NUDCD1: variants seen among roughly 807,000 people sequenced by gnomAD.
NUDCD1 encodes NudC domain containing 1, also known as nudC domain-containing protein 1.
Under a neutral mutation model 67.8 loss-of-function variants are expected in NUDCD1, and 60 were observed. The observed-to-expected ratio is 0.88, with a 90% confidence interval of 0.72 to 1.10. The LOEUF is 1.10. Among genes scored for constraint, NUDCD1 ranks in the 50% least tolerant of loss-of-function variants. The pLI, the probability that NUDCD1 is intolerant of heterozygous loss-of-function variation, is 0.00. For missense variants in NUDCD1, 643 were observed against 695.0 expected, an observed-to-expected ratio of 0.93 and a Z score of 0.84; for synonymous variants, 244 against 230.8, an observed-to-expected ratio of 1.06 and a Z score of -0.52.
chr8:109,314,499 A>C (rs1815340725), intron 2 of NUDCD1, among the ~76,000 whole-genome samples: 1 of 152,148 alleles, frequency 6.6e-6, no homozygotes, highest in African/African-American at 2.4e-5. Context: ...CAAGACTCAA[A>C]TCCTGATAAA....
chr8:109,264,851 CTTT>C (rs79999848), intron 8 of NUDCD1, among the ~76,000 whole-genome samples: 1 of 143,538 alleles, frequency 7.0e-6, no homozygotes. Context: ...ATTCCTCCTA[CTTT>C]TTTTTTTTTT....
intron 2 of NUDCD1, among the ~76,000 whole-genome samples, chr8:109,322,023 C>T (rs1380099746): frequency 1.3e-5 from 2 of 152,048 alleles, no homozygotes; most frequent in African/African-American, 4.8e-5. Context: ...CAACACCTCA[C>T]ATAGGAAAAG....
At chr8:109,249,684 A>AT (rs1451943673) in intron 8 of NUDCD1, among the ~76,000 whole-genome samples, 2 of 152,226 alleles carry the variant, frequency 1.3e-5, no homozygotes, top group Non-Finnish European at 2.9e-5. Flanking sequence ...CATGTTTCAA[A>AT]TAAGATTTGG....
In NUDCD1 at chr8:109,283,364, C is replaced by G. The variant is rs140206051; in HGVS notation, c.824-2192G>C. 1.7e-3 allele frequency among the ~76,000 whole-genome samples: 260 copies of G among 152,262 alleles called. 1 individual carries two copies. The highest frequency in any genetic ancestry group is 6.0e-3 in the African/African-American group (249 of 41,556). On this transcript the variant is annotated intron_variant, in intron 5 of 9. Transcript: ENST00000239690. ...AAGAAACACTAAACAAACTGAAAAA[C>G]ATGTTTGAGGGAATAATTCAGAAAA...
intron 1 of NUDCD1, among the ~76,000 whole-genome samples, chr8:109,328,731 C>T: frequency 6.6e-6 from 1 of 152,060 alleles, no homozygotes; most frequent in South Asian, 2.1e-4. Context: ...AAAGCAAGAA[C>T]CAATGGAATT....
At chr8:109,272,665 T>A (rs1814184792) in intron 7 of NUDCD1, among the ~76,000 whole-genome samples, 1 of 152,198 alleles carries the variant, frequency 6.6e-6, no homozygotes, top group Admixed American at 6.5e-5. Flanking sequence ...AGAGATATGT[T>A]AATTCTCATG....
At position 109,271,048 on chromosome 8, in the gene NUDCD1, C is replaced by T; in HGVS notation, c.1256G>A (p.Ser419Asn). ...ECDIFFEESS[S>N]LCRFDGNTLK... ...TGTATTGCCATCAAATCTGCATAAACTGGAGCTCTCTTCAAAGAAAATATC... is the reference window on the plus strand; with the variant it reads ...TGTATTGCCATCAAATCTGCATAAATTGGAGCTCTCTTCAAAGAAAATATC... The change falls in exon 8 of 10, where the codon AGT (serine) becomes AAT (asparagine). Residue 419 changes from serine (S) to asparagine (N), a missense_variant. Physicochemically the swap from Ser to Asn is conservative, Grantham distance 46. Coordinates refer to ENST00000239690, the MANE Select transcript of NUDCD1 (RefSeq NM_032869.4). The T allele has an allele frequency of 2.5e-6, 4 of 1,596,470 alleles. No individual in the cohort carries two copies. The highest frequency in any genetic ancestry group is 3.4e-6 in the Non-Finnish European group (4 of 1,166,866).
intron 3 of NUDCD1, among the ~76,000 whole-genome samples, chr8:109,294,724 G>A (rs1246914034): frequency 6.6e-6 from 1 of 152,006 alleles, no homozygotes; most frequent in East Asian, 1.9e-4. Context: ...GTTGATACAT[G>A]GCACTTCCAT....
At chr8:109,289,257 G>C (rs866925104) in intron 5 of NUDCD1, among the ~76,000 whole-genome samples, 7 of 152,046 alleles carry the variant, frequency 4.6e-5, no homozygotes, top group Middle Eastern at 3.2e-3. Flanking sequence ...TTACAGGCGT[G>C]AGCTGCCGTG....
chr8:109,259,389 T>C (rs887622571), intron 8 of NUDCD1, among the ~76,000 whole-genome samples: 2 of 152,164 alleles, frequency 1.3e-5, no homozygotes, highest in African/African-American at 4.8e-5. Flanking sequence ...TTTACCAGCA[T>C]CTATGAAACT....
chr8:109,331,409 G>T (rs933989479), intron 1 of NUDCD1, among the ~76,000 whole-genome samples: 1 of 151,590 alleles, frequency 6.6e-6, no homozygotes, highest in Non-Finnish European at 1.5e-5. Context: ...CCAACTACTC[G>T]GGAGGCTGAG....
chr8:109,260,453 G>T (rs981160529), intron 8 of NUDCD1, among the ~76,000 whole-genome samples: 6 of 152,164 alleles, frequency 3.9e-5, no homozygotes, highest in Non-Finnish European at 8.8e-5. Flanking sequence ...CTCCAGCCTT[G>T]GCTCCCTAAA....
intron 2 of NUDCD1, among the ~76,000 whole-genome samples, chr8:109,307,180 C>G (rs952332208): frequency 8.5e-5 from 13 of 152,156 alleles, no homozygotes; most frequent in Non-Finnish European, 2.9e-5. Flanking sequence ...TTGTTCCTGC[C>G]CTACCCTAAC....
intron 8 of NUDCD1, among the ~76,000 whole-genome samples, chr8:109,258,847 G>C (rs1813800324): frequency 6.6e-6 from 1 of 151,912 alleles, no homozygotes; most frequent in Non-Finnish European, 1.5e-5. Flanking sequence ...GAGAATGAAA[G>C]GCAAAAAAGG....
chr8:109,296,422 T>A lies in NUDCD1; in HGVS notation c.421A>T (p.Thr141Ser). Residue 141 changes from threonine to serine, a missense_variant, in exon 3 of 10, where the codon ACA (threonine) becomes TCA (serine). Coordinates refer to ENST00000239690, the MANE Select transcript of NUDCD1 (RefSeq NM_032869.4). ...GAAGCGCTATTTCCACGTTCACCTG[T>A]TCCAATGACATACAATCTTCCAGTT... The part of the protein sequence containing the change: ...DGTGRLYVIG[T>S]GERGNSASEK... The A allele has an allele frequency of 6.2e-7, 1 of 1,613,660 alleles. No homozygotes were observed. The highest frequency in any genetic ancestry group is 8.5e-7 in the Non-Finnish European group (1 of 1,179,702).
intron 8 of NUDCD1, among the ~76,000 whole-genome samples, chr8:109,267,236 T>C (rs969621523): frequency 2.0e-5 from 3 of 152,302 alleles, no homozygotes; most frequent in Admixed American, 6.5e-5. Flanking sequence ...GTAATAAGCA[T>C]AGTTCCCGAC....
intron 2 of NUDCD1, among the ~76,000 whole-genome samples, chr8:109,305,207 G>C (rs761743221): frequency 3.9e-5 from 6 of 152,104 alleles, no homozygotes; most frequent in Non-Finnish European, 7.4e-5. Context: ...CACATGCCCC[G>C]AGTCAGGAAA....
At chr8:109,320,770 G>T (rs866394836) in intron 2 of NUDCD1, among the ~76,000 whole-genome samples, 47 of 152,292 alleles carry the variant, frequency 3.1e-4, no homozygotes, top group African/African-American at 1.1e-3. Context: ...TTAATTTGGG[G>T]AGCTAATATA....
At chr8:109,252,452 T>G (rs1167018169) in intron 8 of NUDCD1, among the ~76,000 whole-genome samples, 1 of 150,938 alleles carries the variant, frequency 6.6e-6, no homozygotes, top group Non-Finnish European at 1.5e-5. Flanking sequence ...TGCTGATACT[T>G]AAAAAAAAAC....
Sources: allele counts gnomAD v4.1 joint callset (sites outside exome capture counted in the v4.1 genomes callset), GRCh38; gene constraint gnomAD v4.1.1; transcripts MANE v1.5; gene names NCBI Gene and HGNC (gene_info 2026-07-23, HGNC 2026-07-21).